The following ANKRD24 variants were observed in gnomAD, a reference collection of about 807,000 sequenced individuals.
ANKRD24 encodes ankyrin repeat domain 24.
In ANKRD24, 109 loss-of-function variants were observed where a neutral mutation model predicts 127.8. The ratio of observed to expected loss-of-function variants is 0.85; its 90% CI spans 0.73 to 1.00. The LOEUF is 1.00. Ranked by LOEUF, ANKRD24 falls within the 50% of genes least tolerant of loss-of-function variation. ANKRD24 has a pLI of 0.00. For missense variants in ANKRD24, 1,648 were observed against 1,570.2 expected, an observed-to-expected ratio of 1.05 and a Z score of -0.84; for synonymous variants, 743 against 671.1, an observed-to-expected ratio of 1.11 and a Z score of -1.66.
intron 2 of ANKRD24, 80 bp downstream of exon 2, chr19:4,186,541 C>T: frequency 6.8e-7 from 1 of 1,473,700 alleles, no homozygotes; most frequent in Non-Finnish European, 9.3e-7. Flanking sequence ...GAAGATCCAC[C>T]CTTTCATTCC....
chr19:4,217,355 TGGA>T lies in ANKRD24; in HGVS notation c.2201_2203del (p.Glu734del). On this transcript the variant is annotated inframe_deletion, in exon 18 of 22. Transcript: ENST00000318934. ...GAGCTGGAGACCAGGATCCGTGGCT[TGGA>T]GGAGGCTCTCCGGCAGCGGGAGCGG... 1 of 1,551,184 alleles carries T rather than the reference TGGA, an allele frequency of 6.4e-7. No homozygotes were observed. The highest frequency in any genetic ancestry group is 8.7e-7 in the Non-Finnish European group (1 of 1,146,978).
intron 5 of ANKRD24, 50 bp from the exon 6 acceptor site, chr19:4,201,976 G>A: frequency 6.5e-7 from 1 of 1,529,344 alleles, no homozygotes; most frequent in Non-Finnish European, 9.1e-7. Flanking sequence ...GGAGCAGCTG[G>A]GAGCTACTTG....
rs1252391468 is a variant in ANKRD24 at position 4,218,144 on chromosome 19, C to G, written c.2984C>G (p.Thr995Ser). 1 of 1,526,306 alleles carries G rather than the reference C, an allele frequency of 6.6e-7. No homozygotes were observed. The highest frequency in any genetic ancestry group is 2.0e-5 in the Admixed American group (1 of 48,892). The allele number at this position is 1,526,306 out of a possible 1,614,324, so 94.5% of individuals were successfully genotyped here. ...GAGCTGGGACGGCGGCATGAGAAGACCAGCGCAGAGGTCTTCCAGGTGAGC... is the reference window on the plus strand; with the variant it reads ...GAGCTGGGACGGCGGCATGAGAAGAGCAGCGCAGAGGTCTTCCAGGTGAGC... The part of the protein sequence containing the change: ...LEELGRRHEK[T>S]SAEVFQVQRE... Residue 995 changes from threonine to serine, a missense_variant, in exon 18 of 22, where the codon ACC becomes AGC. Physicochemically the swap from Thr to Ser is moderately conservative, Grantham distance 58. Coordinates refer to ENST00000318934, the MANE Select transcript of ANKRD24 (RefSeq NM_001393985.1).
intron 11 of ANKRD24, among the ~76,000 whole-genome samples, chr19:4,209,447 T>G (rs1312482946): frequency 1.4e-5 from 2 of 147,684 alleles, no homozygotes; most frequent in African/African-American, 2.5e-5. Context: ...TTGTTGTTTG[T>G]TTGTTTTGTT....
In ANKRD24 at chr19:4,198,570, G is replaced by A. The variant is rs1007301975; in HGVS notation, c.37-1113G>A. 2.0e-5 allele frequency: 10 copies of A among 502,372 alleles called. No individual in the cohort carries two copies. Among genetic ancestry groups the A allele is most frequent in the African/African-American group, 6.0e-5 (3 of 49,860 alleles). 31.1% of individuals were successfully genotyped at this position (502,372 alleles called of 1,614,324 possible). A position where few individuals can be genotyped will look rare whatever the true frequency, so the allele number is the denominator to read the frequency against. On this transcript the variant is annotated intron_variant, in intron 2 of 21. Coordinates refer to ENST00000318934, the MANE Select transcript of ANKRD24 (RefSeq NM_001393985.1). This position sits in a 1 kb window ranked among gnomAD's most constrained non-coding sequence, Gnocchi z 6.1. ...GAGGGGGCGCAGGAGCGGGCGGGGC[G>A]CGGGTACCTCCTCTCCCCTCCCTTC...
At chr19:4,189,210 G>T in intron 2 of ANKRD24, among the ~76,000 whole-genome samples, 1 of 138,006 alleles carries the variant, frequency 7.2e-6, no homozygotes, top group Non-Finnish European at 1.6e-5. Context: ...AATATCATTG[G>T]ATTCACTTTA....
chr19:4,196,780 T>C (rs1470747860), intron 2 of ANKRD24, among the ~76,000 whole-genome samples: 1 of 152,170 alleles, frequency 6.6e-6, no homozygotes, highest in Non-Finnish European at 1.5e-5. Context: ...GCTCAATAAA[T>C]GCTTACTGCT....
Position 4,207,926 on chromosome 19 carries a change from C to T in ANKRD24, c.790C>T (p.His264Tyr), listed in dbSNP as rs1969489038. 1.3e-6 allele frequency: 2 copies of T among 1,546,498 alleles called. No individual in the cohort carries two copies. Among genetic ancestry groups the T allele is most frequent in the Admixed American group, 2.1e-5 (1 of 47,146 alleles). Residue 264 changes from histidine (H) to tyrosine (Y), a missense_variant, in exon 10 of 22, where the codon CAC (histidine) becomes TAC (tyrosine). Physicochemically the swap from His to Tyr is moderately conservative, Grantham distance 83 (BLOSUM62 2). Transcript: ENST00000318934. ...CCTGGCGGGGGACAAACTCATCCTG[C>T]ACCTTCTGCAAGAGGCGGCCCAGCG... ...GALAGDKLIL[H>Y]LLQEAAQRPS... is the part of the protein sequence containing the mutation.
intron 19 of ANKRD24, among the ~76,000 whole-genome samples, chr19:4,220,809 C>A (rs1046921107): frequency 6.6e-6 from 1 of 152,126 alleles, no homozygotes; most frequent in Non-Finnish European, 1.5e-5. Context: ...CCTGCCTCGG[C>A]CTCCCAGAGT....
At chr19:4,207,354 G>A (rs1423369551) in intron 8 of ANKRD24, 42 bp downstream of exon 8, 1 of 1,604,438 alleles carries the variant, frequency 6.2e-7, no homozygotes, top group South Asian at 1.1e-5. Context: ...TTATGCTTGA[G>A]GTATGCTGCC....
At chr19:4,212,135 G>A (rs1317176823) in intron 13 of ANKRD24, among the ~76,000 whole-genome samples, 1 of 151,624 alleles carries the variant, frequency 6.6e-6, no homozygotes, top group Non-Finnish European at 1.5e-5. Flanking sequence ...AAGAGACGCA[G>A]CTTGCAGTGA....
Position 4,199,784 on chromosome 19 carries a change from G to A in ANKRD24, c.123+15G>A. On this transcript the variant is annotated intron_variant, in intron 3 of 21. Coordinates refer to ENST00000318934, the MANE Select transcript of ANKRD24 (RefSeq NM_001393985.1). The surrounding 1 kb of genome is among the most constrained non-coding windows in gnomAD (Gnocchi z 5.2). ...GCAGGCGCCAGGCAAGTGCCCAGGG[G>A]CAGGTGGTGAGAGCCCGGAGCCCCT... is the stretch of plus-strand genomic sequence containing the variant. 6.5e-7 allele frequency: 1 copy of A among 1,534,272 alleles called. No homozygotes were observed. The highest frequency in any genetic ancestry group is 8.8e-7 in the Non-Finnish European group (1 of 1,141,580).
At chr19:4,223,372 C>CATACAT (rs1490877860) in intron 20 of ANKRD24, among the ~76,000 whole-genome samples, 65 of 72,900 alleles carry the variant, frequency 8.9e-4, no homozygotes, top group African/African-American at 1.1e-3. Context: ...CCTGGCCATA[C>CATACAT]ATATATATAT....
In ANKRD24 at chr19:4,199,467, C is replaced by G; in HGVS notation, c.37-216C>G. The G allele has an allele frequency of 1.0e-6, 1 of 980,890 alleles. No homozygotes were observed. The highest frequency in any genetic ancestry group is 1.2e-6 in the Non-Finnish European group (1 of 825,784). The allele number at this position is 980,890 out of a possible 1,614,324, so 60.8% of individuals were successfully genotyped here. A position where few individuals can be genotyped will look rare whatever the true frequency, so the allele number is the denominator to read the frequency against. The stretch of plus-strand genomic sequence containing the variant: ...GCTCAAGCGATCCTCCCACCTTGGC[C>G]TCCCCAGATGCTGGGACTACAGGCG... On this transcript the variant is annotated intron_variant, in intron 2 of 21. Transcript: ENST00000318934. This position sits in a 1 kb window ranked among gnomAD's most constrained non-coding sequence, Gnocchi z 5.2.
At chr19:4,193,562 G>A (rs1193229748) in intron 2 of ANKRD24, among the ~76,000 whole-genome samples, 1 of 151,772 alleles carries the variant, frequency 6.6e-6, no homozygotes, top group Non-Finnish European at 1.5e-5. Flanking sequence ...ATGATGGCAG[G>A]CGCGGTGGCT....
In ANKRD24 at chr19:4,195,294, G is replaced by T. The variant is rs540620277; in HGVS notation, c.37-4389G>T. Among the ~76,000 whole-genome samples the T allele has an allele frequency of 6.6e-6, 1 of 151,490 alleles. No individual in the cohort carries two copies. The highest frequency in any genetic ancestry group is 1.5e-5 in the Non-Finnish European group (1 of 67,882). ...TTGCCACGTTGGTCAGGCTGGTCTC[G>T]AACTCCCCATCTCAGGTGATCTGCC... is the stretch of plus-strand genomic sequence containing the variant. On this transcript the variant is annotated intron_variant, in intron 2 of 21. Transcript: ENST00000318934. The surrounding 1 kb of genome is among the most constrained non-coding windows in gnomAD (Gnocchi z 4.2).
rs150999003 is a variant in ANKRD24 at position 4,222,475 on chromosome 19, G to A, written c.3172-195G>A. ...AAACAGGCTGTGTTGGTAACCATAAGCATCTAAAATATAAATAAATACAAT... is the reference window on the plus strand; with the variant it reads ...AAACAGGCTGTGTTGGTAACCATAAACATCTAAAATATAAATAAATACAAT... On this transcript the variant is annotated intron_variant, in intron 19 of 21. Transcript: ENST00000318934. Among the ~76,000 whole-genome samples the A allele has an allele frequency of 7.0e-3, 1,065 of 152,330 alleles. 11 individuals are homozygous for A. Among genetic ancestry groups the A allele is most frequent in the Non-Finnish European group, 0.011 (749 of 68,030 alleles).
intron 19 of ANKRD24, among the ~76,000 whole-genome samples, chr19:4,220,478 C>T (rs894774660): frequency 1.3e-5 from 2 of 152,200 alleles, no homozygotes; most frequent in African/African-American, 4.8e-5. Flanking sequence ...CGTTTCGTTC[C>T]TAAACAATAC....
chr19:4,182,698 A>G lies in ANKRD24; in HGVS notation c.-79A>G, dbSNP rs892887636. ...GCCTCTTGCTGACGCCGCAGGCGAC[A>G]TGTTATCTGCTGTCAGAAGGAAGCC... On this transcript the variant is annotated 5_prime_UTR_variant, in exon 1 of 22. An upstream start codon of the reference 5' UTR is lost. Coordinates refer to ENST00000318934, the MANE Select transcript of ANKRD24 (RefSeq NM_001393985.1). 3.5e-5 allele frequency: 49 copies of G among 1,416,510 alleles called. No homozygotes were observed. Among genetic ancestry groups the G allele is most frequent in the South Asian group, 6.2e-5 (4 of 64,558 alleles). The allele number at this position is 1,416,510 out of a possible 1,614,324, so 87.7% of individuals were successfully genotyped here.
Sources: allele counts gnomAD v4.1 joint callset (sites outside exome capture counted in the v4.1 genomes callset), GRCh38; gene constraint gnomAD v4.1.1; non-coding constraint Gnocchi (gnomAD v3.1); transcripts MANE v1.5; gene names NCBI Gene and HGNC (gene_info 2026-07-23, HGNC 2026-07-21).